The following NCOA1 variants were observed in gnomAD, a reference collection of about 807,000 sequenced individuals.
NCOA1 encodes Hin-2 protein.
A neutral mutation model predicts 150.9 loss-of-function variants in NCOA1; 35 were observed. The observed-to-expected ratio is 0.23, with a 90% CI of 0.18 to 0.31. The LOEUF is 0.31. NCOA1 is among the 10% of genes least tolerant of loss of function. The pLI, the probability that NCOA1 is intolerant of heterozygous loss-of-function variation, is 1.00. For synonymous variants in NCOA1, 590 were observed against 630.0 expected (o/e 0.94, Z 0.95); for missense variants, 1,491 against 1,749.3 (o/e 0.85, Z 2.63).
chr2:24,711,257 T>G, intron 14 of NCOA1, 146 bp downstream of exon 14: 1 of 749,276 alleles, frequency 1.3e-6, no homozygotes, highest in East Asian at 2.9e-5. Flanking sequence ...AACAGTTATA[T>G]TTAGGCATGT....
At chr2:24,680,448 C>T (rs1218373525) in intron 7 of NCOA1, among the ~76,000 whole-genome samples, 1 of 152,120 alleles carries the variant, frequency 6.6e-6, no homozygotes, top group African/African-American at 2.4e-5. Flanking sequence ...ACCTAGAAGA[C>T]ATTATGTTAA....
intron 6 of NCOA1, among the ~76,000 whole-genome samples, chr2:24,671,192 A>G (rs1671665660): frequency 6.6e-6 from 1 of 152,242 alleles, no homozygotes; most frequent in Non-Finnish European, 1.5e-5. Context: ...CAGCAGTTAA[A>G]ATGAATGAAT....
At chr2:24,728,167 G>C in intron 15 of NCOA1, 141 bp from the exon 16 acceptor site, 1 of 574,664 alleles carries the variant, frequency 1.7e-6, no homozygotes, top group South Asian at 2.9e-5. Context: ...ATTAAACATA[G>C]AACATTCCAT....
At chr2:24,697,606 A>G in intron 10 of NCOA1, 52 bp from the exon 11 acceptor site, 3 of 1,463,804 alleles carry the variant, frequency 2.0e-6, no homozygotes, top group Non-Finnish European at 2.8e-6. Context: ...TGAAATACAG[A>G]TGATTTATAT....
intron 17 of NCOA1, among the ~76,000 whole-genome samples, chr2:24,730,048 A>G (rs573608617): frequency 6.0e-4 from 91 of 152,146 alleles, no homozygotes; most frequent in African/African-American, 2.2e-3. Flanking sequence ...GTTTCACCAT[A>G]TTGGCCAGGA....
chr2:24,509,303 A>G (rs1157962490), intron 1 of NCOA1, among the ~76,000 whole-genome samples: 2 of 152,232 alleles, frequency 1.3e-5, no homozygotes, highest in Non-Finnish European at 2.9e-5. Context: ...AGGGAGTTCA[A>G]GCCCTTGCTT....
intron 3 of NCOA1, among the ~76,000 whole-genome samples, chr2:24,642,005 GGCGT>G (rs764077478): frequency 1.5e-5 from 1 of 65,702 alleles, no homozygotes; most frequent in East Asian, 5.2e-4. Flanking sequence ...GATTACAGAG[GGCGT>G]GTGTGTGTGT....
intron 2 of NCOA1, among the ~76,000 whole-genome samples, chr2:24,575,650 T>TG (rs926986320): frequency 4.0e-5 from 6 of 151,066 alleles, no homozygotes; most frequent in African/African-American, 1.2e-4. Context: ...CTTGGCTCAC[T>TG]GCAACCTCCA....
intron 2 of NCOA1, among the ~76,000 whole-genome samples, chr2:24,581,589 T>G (rs914716207): frequency 6.6e-6 from 1 of 152,184 alleles, no homozygotes; most frequent in Non-Finnish European, 1.5e-5. Context: ...TGGTTGGTTT[T>G]GGGGGGAGTC....
chr2:24,742,334 C>T, intron 19 of NCOA1, 148 bp downstream of exon 19: 2 of 883,648 alleles, frequency 2.3e-6, no homozygotes, highest in Admixed American at 3.1e-5. Flanking sequence ...GATTCAGACT[C>T]AGCTTTTGAC....
chr2:24,570,812 G>A (rs949476735), intron 2 of NCOA1, among the ~76,000 whole-genome samples: 1 of 152,142 alleles, frequency 6.6e-6, no homozygotes, highest in East Asian at 1.9e-4. Context: ...CAAAATATAG[G>A]TTATGGGGAA....
intron 3 of NCOA1, among the ~76,000 whole-genome samples, chr2:24,629,805 G>A (rs1195857378): frequency 3.0e-5 from 3 of 98,526 alleles, no homozygotes; most frequent in African/African-American, 1.2e-4. Context: ...ACTGTTTTAA[G>A]TAACATACAT....
At chr2:24,662,373 C>G (rs1360987359) in intron 5 of NCOA1, among the ~76,000 whole-genome samples, 1 of 152,144 alleles carries the variant, frequency 6.6e-6, no homozygotes, top group Non-Finnish European at 1.5e-5. Flanking sequence ...TTGAATATTT[C>G]CAATTCAACT....
At chr2:24,704,274 T>G (rs1418658964) in intron 11 of NCOA1, among the ~76,000 whole-genome samples, 1 of 152,186 alleles carries the variant, frequency 6.6e-6, no homozygotes, top group Non-Finnish European at 1.5e-5. Flanking sequence ...AATTTGAATA[T>G]TAGTTAAGGA....
intron 21 of NCOA1, among the ~76,000 whole-genome samples, chr2:24,759,584 C>T (rs1359219585): frequency 6.6e-6 from 1 of 152,102 alleles, no homozygotes; most frequent in East Asian, 1.9e-4. Context: ...AGTTGCTATT[C>T]TCATTATTCG....
At chr2:24,766,263 C>T (rs1188478665) in intron 22 of NCOA1, among the ~76,000 whole-genome samples, 1 of 152,148 alleles carries the variant, frequency 6.6e-6, no homozygotes. Context: ...TTTTATCATG[C>T]CTTTATCAAG....
chr2:24,586,275 C>CAAA lies in NCOA1; in HGVS notation c.-175+1740_-175+1742dup, dbSNP rs34590281. The stretch of plus-strand genomic sequence containing the variant: ...TGGGCGACAGAGCAAGACTCGGTCT[C>CAAA]AAAAAAAAAAAAAAAAAAAAAAAAA... On this transcript the variant is annotated intron_variant, in intron 3 of 22. Coordinates refer to ENST00000348332, the MANE Select transcript of NCOA1 (RefSeq NM_003743.5). Among the ~76,000 whole-genome samples, 53 of 66,126 alleles carry CAAA rather than the reference C, an allele frequency of 8.0e-4. 1 individual carries two copies. The highest frequency in any genetic ancestry group is 3.6e-3 in the African/African-American group (52 of 14,606). 43.4% of individuals were successfully genotyped at this position (66,126 alleles called of 152,430 possible). A position where few individuals can be genotyped will look rare whatever the true frequency, so the allele number is the denominator to read the frequency against.
At chr2:24,509,021 A>C (rs1332526534) in intron 1 of NCOA1, among the ~76,000 whole-genome samples, 1 of 152,206 alleles carries the variant, frequency 6.6e-6, no homozygotes, top group Non-Finnish European at 1.5e-5. Context: ...ATGAAGCAAT[A>C]TTGTGTGGAA....
intron 1 of NCOA1, among the ~76,000 whole-genome samples, chr2:24,499,210 A>G (rs965997727): frequency 6.6e-6 from 1 of 151,978 alleles, no homozygotes; most frequent in African/African-American, 2.4e-5. Context: ...CTGATTCTGC[A>G]TTTCTTTATT....
Sources: allele counts gnomAD v4.1 joint callset (sites outside exome capture counted in the v4.1 genomes callset), GRCh38; gene constraint gnomAD v4.1.1; transcripts MANE v1.5; gene names NCBI Gene and HGNC (gene_info 2026-07-23, HGNC 2026-07-21).